SCHIP1: variants seen among roughly 807,000 people sequenced by gnomAD.
The protein encoded by SCHIP1 is schwannomin-interacting protein 1.
SCHIP1 carries 8 observed loss-of-function variants against 29.7 expected under a neutral mutation model. That is an observed-to-expected ratio of 0.27 (90% CI 0.16 to 0.49). SCHIP1 has a LOEUF of 0.49. SCHIP1 is among the 20% of genes least tolerant of loss of function. SCHIP1 has a pLI of 0.99. For missense variants in SCHIP1, 193 were observed against 294.6 expected (o/e 0.66, Z 2.52); for synonymous variants, 76 against 94.9 (o/e 0.80, Z 1.16).
the SCHIP1 span, among the ~76,000 whole-genome samples, chr3:159,574,688 A>G: frequency 6.6e-6 from 1 of 152,324 alleles, no homozygotes; most frequent in African/African-American, 2.4e-5. Context: ...ATTGACTGCT[A>G]CCTTTTGTTC....
the SCHIP1 span, among the ~76,000 whole-genome samples, chr3:159,593,503 A>G: frequency 0.2 from 31,122 of 152,104 alleles, 8,672 homozygotes; most frequent in African/African-American, 0.63. Flanking sequence ...TGTGAACCTA[A>G]GAAAGTAGCC....
chr3:159,872,164 TTTTTC>T (rs1034667571), intron 2 of SCHIP1, among the ~76,000 whole-genome samples: 9 of 152,208 alleles, frequency 5.9e-5, no homozygotes, highest in African/African-American at 2.2e-4. Flanking sequence ...GTACCTTCTT[TTTTTC>T]TTTAATATTA....
chr3:159,427,763 C>T, the SCHIP1 span, among the ~76,000 whole-genome samples: 2 of 152,148 alleles, frequency 1.3e-5, no homozygotes, highest in Non-Finnish European at 2.9e-5. Context: ...AAGAACAAAG[C>T]TGGAGGCATC....
At chr3:159,621,801 G>T in the SCHIP1 span, among the ~76,000 whole-genome samples, 276 of 152,202 alleles carry the variant, frequency 1.8e-3, 1 homozygote, top group African/African-American at 6.4e-3. Context: ...TAGTAGCTTG[G>T]ATTACAGGTG....
the SCHIP1 span, among the ~76,000 whole-genome samples, chr3:159,547,331 G>A: frequency 6.6e-6 from 1 of 152,010 alleles, no homozygotes; most frequent in Non-Finnish European, 1.5e-5. Context: ...GTCAGATAGA[G>A]AGATTGCAAA....
At chr3:159,510,541 G>T in the SCHIP1 span, among the ~76,000 whole-genome samples, 1 of 150,606 alleles carries the variant, frequency 6.6e-6, no homozygotes, top group Non-Finnish European at 1.5e-5. Flanking sequence ...GAGGAGAGGC[G>T]CTCTGATTTT....
At chr3:159,828,443 A>ATATATATACGTATATATACG in the SCHIP1 span, among the ~76,000 whole-genome samples, 4 of 100,476 alleles carry the variant, frequency 4.0e-5, no homozygotes, top group Admixed American at 1.0e-4. Flanking sequence ...ATATATACGT[A>ATATATATACGTATATATACG]TATATATACG....
At chr3:159,399,009 C>T in the SCHIP1 span, 2 of 937,996 alleles carry the variant, frequency 2.1e-6, no homozygotes, top group Non-Finnish European at 2.5e-6. Flanking sequence ...CCACTCTAAC[C>T]TTATATTCTA....
the SCHIP1 span, among the ~76,000 whole-genome samples, chr3:159,805,213 A>G: frequency 6.6e-6 from 1 of 152,320 alleles, no homozygotes; most frequent in South Asian, 2.1e-4. Context: ...TGGTGTTGGA[A>G]GAGCAACTAC....
At chr3:159,703,377 A>G in the SCHIP1 span, among the ~76,000 whole-genome samples, 1 of 152,342 alleles carries the variant, frequency 6.6e-6, no homozygotes, top group South Asian at 2.1e-4. Flanking sequence ...GTAGAGGAAA[A>G]GTTGAAGTCA....
chr3:159,389,946 G>T, the SCHIP1 span, among the ~76,000 whole-genome samples: 1 of 151,964 alleles, frequency 6.6e-6, no homozygotes, highest in South Asian at 2.1e-4. Flanking sequence ...AAATACAATC[G>T]ACTTGGGCCT....
At chr3:159,427,229 C>G in the SCHIP1 span, among the ~76,000 whole-genome samples, 83,404 of 148,584 alleles carry the variant, frequency 0.56, 24,503 homozygotes, top group East Asian at 0.75. Flanking sequence ...GAAATAAAGG[C>G]TATTCAATTA....
At chr3:159,758,689 C>A in the SCHIP1 span, among the ~76,000 whole-genome samples, 3 of 152,212 alleles carry the variant, frequency 2.0e-5, no homozygotes, top group Admixed American at 6.5e-5. Flanking sequence ...GCAGATTGTA[C>A]ACTGCACAAC....
the SCHIP1 span, among the ~76,000 whole-genome samples, chr3:159,296,727 C>G: frequency 1.3e-5 from 2 of 151,734 alleles, no homozygotes; most frequent in Non-Finnish European, 2.9e-5. Context: ...GAGCCGAGAT[C>G]GCACCATTGC....
chr3:159,765,851 C>A, the SCHIP1 span: 3 of 152,216 alleles, frequency 2.0e-5, no homozygotes, highest in Non-Finnish European at 4.4e-5. Flanking sequence ...GATAACGGAG[C>A]CACTTACAGT....
At chr3:159,664,793 A>G in the SCHIP1 span, among the ~76,000 whole-genome samples, 1 of 152,252 alleles carries the variant, frequency 6.6e-6, no homozygotes, top group African/African-American at 2.4e-5. Context: ...GAGAACACCT[A>G]TCTTGATGGT....
the SCHIP1 span, among the ~76,000 whole-genome samples, chr3:159,316,034 G>A: frequency 5.9e-5 from 9 of 152,000 alleles, no homozygotes; most frequent in East Asian, 1.9e-4. Flanking sequence ...ACATCAGACC[G>A]TGAGACTAAG....
At chr3:159,643,484 C>A in the SCHIP1 span, among the ~76,000 whole-genome samples, 1 of 152,022 alleles carries the variant, frequency 6.6e-6, no homozygotes, top group Admixed American at 6.6e-5. Flanking sequence ...TCACATGGCA[C>A]AATCAGAACA....
At chr3:159,845,637 C>T (rs1025837053) in intron 1 of SCHIP1, 1 of 152,204 alleles carries the variant, frequency 6.6e-6, no homozygotes, top group African/African-American at 2.4e-5. Flanking sequence ...CCACCTTAGC[C>T]TCCCAAAGTG....
Sources: gnomAD v4.1 joint callset for allele counts (sites outside exome capture counted in the v4.1 genomes callset) on GRCh38, gnomAD v4.1.1 for gene constraint, MANE v1.5 for transcripts, NCBI Gene and HGNC (gene_info 2026-07-23, HGNC 2026-07-21) for gene names.